CSMD2: variants seen among roughly 807,000 people sequenced by gnomAD.
CSMD2 encodes the protein CUB and Sushi multiple domains 2, also known as CUB and sushi domain-containing protein 2.
A neutral mutation model predicts 398.5 loss-of-function variants in CSMD2; 130 were observed. The observed-to-expected ratio is 0.33, with a 90% CI of 0.28 to 0.38. The LOEUF (loss-of-function observed/expected upper bound fraction) is 0.38. Ranked by LOEUF, CSMD2 falls within the 10% of genes least tolerant of loss-of-function variation. The pLI is 1.00. For synonymous variants in CSMD2, 1,828 were observed against 1,908.5 expected, an observed-to-expected ratio of 0.96 and a Z score of 1.10; for missense variants, 3,829 against 4,764.9, an observed-to-expected ratio of 0.80 and a Z score of 5.78.
chr1:34,140,993 C>T (rs950423659), intron 1 of CSMD2, among the ~76,000 whole-genome samples: 1 of 152,088 alleles, frequency 6.6e-6, no homozygotes, highest in Admixed American at 6.5e-5. Flanking sequence ...AACACTCGAA[C>T]ACACAGAACT....
At chr1:33,871,903 G>A (rs1288603859) in intron 5 of CSMD2, among the ~76,000 whole-genome samples, 1 of 152,110 alleles carries the variant, frequency 6.6e-6, no homozygotes, top group Non-Finnish European at 1.5e-5. Flanking sequence ...ATCATGCCTG[G>A]CCTCTTCCTG....
At chr1:33,832,585 A>G (rs944443164) in intron 6 of CSMD2, among the ~76,000 whole-genome samples, 1 of 149,696 alleles carries the variant, frequency 6.7e-6, no homozygotes, top group African/African-American at 2.5e-5. Flanking sequence ...ATCACAATTA[A>G]GAGAACTAGA....
intron 5 of CSMD2, chr1:33,875,689 A>G (rs1198952459): frequency 6.6e-6 from 1 of 152,236 alleles, no homozygotes; most frequent in Non-Finnish European, 1.5e-5. Flanking sequence ...GACTGGAGGT[A>G]GGTGTAATTC....
chr1:33,846,797 C>T (rs1053538033), intron 6 of CSMD2, 87 bp downstream of exon 6: 13 of 749,540 alleles, frequency 1.7e-5, no homozygotes, highest in Admixed American at 9.0e-5. Context: ...GAAGCCACAC[C>T]GGACCCAGTA....
intron 6 of CSMD2, among the ~76,000 whole-genome samples, chr1:33,844,497 G>T (rs1420214704): frequency 1.3e-5 from 2 of 152,232 alleles, no homozygotes; most frequent in Admixed American, 6.5e-5. Flanking sequence ...GTTACTAAAC[G>T]ATCACTGTAT....
chr1:33,622,037 C>A (rs899337738), intron 37 of CSMD2, 130 bp downstream of exon 37: 16 of 722,366 alleles, frequency 2.2e-5, no homozygotes, highest in Non-Finnish European at 3.7e-5. Flanking sequence ...AGCATCTTCA[C>A]CTAGGTTTGT....
chr1:34,097,233 C>T (rs1659424086), intron 1 of CSMD2, among the ~76,000 whole-genome samples: 1 of 151,150 alleles, frequency 6.6e-6, no homozygotes, highest in African/African-American at 2.5e-5. Context: ...AAGTGGATCC[C>T]TTCTTTACAC....
chr1:34,150,983 G>C (rs1436861040), intron 1 of CSMD2, among the ~76,000 whole-genome samples: 1 of 152,060 alleles, frequency 6.6e-6, no homozygotes, highest in Non-Finnish European at 1.5e-5. Flanking sequence ...TGCTGATAAA[G>C]GGGGGGCGGG....
intron 6 of CSMD2, among the ~76,000 whole-genome samples, chr1:33,841,043 A>G (rs1001477583): frequency 3.3e-5 from 5 of 152,224 alleles, no homozygotes; most frequent in Non-Finnish European, 5.9e-5. Flanking sequence ...TTTCAAATGA[A>G]TAAGTTTATT....
chr1:33,531,750 G>A (rs1655253209), intron 64 of CSMD2, among the ~76,000 whole-genome samples: 1 of 152,158 alleles, frequency 6.6e-6, no homozygotes, highest in Non-Finnish European at 1.5e-5. Flanking sequence ...ACTAACATGA[G>A]GTACTTAGAA....
chr1:33,707,702 C>T (rs1263860333), intron 22 of CSMD2, among the ~76,000 whole-genome samples: 2 of 56,294 alleles, frequency 3.6e-5, no homozygotes, highest in East Asian at 8.3e-4. Context: ...CGCGCACACA[C>T]ACACACACAC....
At chr1:33,863,910 A>T (rs1350175552) in intron 5 of CSMD2, 1 of 348,072 alleles carries the variant, frequency 2.9e-6, no homozygotes, top group African/African-American at 2.1e-5. Flanking sequence ...ATCTTTCATG[A>T]GAGGCAAACA....
intron 1 of CSMD2, among the ~76,000 whole-genome samples, chr1:34,112,425 G>A (rs1015335462): frequency 1.3e-5 from 2 of 152,186 alleles, no homozygotes; most frequent in Non-Finnish European, 2.9e-5. Flanking sequence ...GCAGCAGACA[G>A]CTCTATCTAT....
At chr1:34,052,649 C>A (rs533802230) in intron 2 of CSMD2, among the ~76,000 whole-genome samples, 1 of 152,014 alleles carries the variant, frequency 6.6e-6, no homozygotes, top group South Asian at 2.1e-4. Flanking sequence ...TTGTTAATTG[C>A]CTATCTTCCT....
intron 3 of CSMD2, among the ~76,000 whole-genome samples, chr1:34,031,664 C>A (rs920263559): frequency 6.7e-6 from 1 of 150,348 alleles, no homozygotes; most frequent in Non-Finnish European, 1.5e-5. Context: ...TTATGCATTA[C>A]ACCCCTGGCC....
At chr1:33,889,181 A>G (rs1009923675) in intron 5 of CSMD2, among the ~76,000 whole-genome samples, 5 of 152,250 alleles carry the variant, frequency 3.3e-5, no homozygotes, top group Admixed American at 1.3e-4. Flanking sequence ...TACAACATAT[A>G]TTGATTTTAA....
At chr1:33,951,634 C>T (rs542186338) in intron 3 of CSMD2, among the ~76,000 whole-genome samples, 16 of 152,218 alleles carry the variant, frequency 1.1e-4, no homozygotes, top group Non-Finnish European at 1.5e-5. Flanking sequence ...CCAATCCTCG[C>T]TCCAACACTC....
chr1:34,126,420 G>A (rs553441083), intron 1 of CSMD2, among the ~76,000 whole-genome samples: 2 of 152,300 alleles, frequency 1.3e-5, no homozygotes, highest in Non-Finnish European at 2.9e-5. Flanking sequence ...CCTTGCCCAT[G>A]AGCACAGGCT....
chr1:33,898,324 T>C (rs894797084), intron 5 of CSMD2, among the ~76,000 whole-genome samples: 1 of 152,216 alleles, frequency 6.6e-6, no homozygotes, highest in Non-Finnish European at 1.5e-5. Context: ...CACATCCTGA[T>C]GAAGACATAG....
Sources: gnomAD v4.1 joint callset for allele counts (sites outside exome capture counted in the v4.1 genomes callset) on GRCh38, gnomAD v4.1.1 for gene constraint, MANE v1.5 for transcripts, NCBI Gene and HGNC (gene_info 2026-07-23, HGNC 2026-07-21) for gene names.